TMEM40: variants seen among roughly 807,000 people sequenced by gnomAD.
The protein encoded by TMEM40 is transmembrane protein 40.
Under a neutral mutation model 40.8 loss-of-function variants are expected in TMEM40, and 34 were observed. The ratio of observed to expected loss-of-function variants is 0.83; its 90% CI spans 0.63 to 1.11. The LOEUF (loss-of-function observed/expected upper bound fraction) is 1.11. Ranked by LOEUF, TMEM40 falls within the 50% of genes least tolerant of loss-of-function variation. The pLI is 0.00. For synonymous variants in TMEM40, 106 were observed against 107.0 expected, an observed-to-expected ratio of 0.99 and a Z score of 0.06; for missense variants, 296 against 280.2, an observed-to-expected ratio of 1.06 and a Z score of -0.40.
chr3:12,736,717 AC>A (rs767180038), intron 9 of TMEM40, 46 bp downstream of exon 9: 2 of 1,613,192 alleles, frequency 1.2e-6, no homozygotes, highest in South Asian at 2.2e-5. Context: ...CCCCTGCACC[AC>A]CCCATGCCAT....
upstream of TMEM40, among the ~76,000 whole-genome samples, chr3:12,761,894 T>TAC (rs1559536240): frequency 1.3e-5 from 2 of 152,110 alleles, no homozygotes; most frequent in Non-Finnish European, 2.9e-5. Flanking sequence ...TGTATATATA[T>TAC]ACAACATATA....
At chr3:12,753,221 T>C (rs1333251693) in intron 1 of TMEM40, among the ~76,000 whole-genome samples, 1 of 135,584 alleles carries the variant, frequency 7.4e-6, no homozygotes, top group Non-Finnish European at 1.6e-5. Context: ...CTTTTTTTTT[T>C]TTTTTTTTTT....
At chr3:12,756,590 T>TA (rs997492754) in intron 1 of TMEM40, among the ~76,000 whole-genome samples, 2 of 152,174 alleles carry the variant, frequency 1.3e-5, no homozygotes, top group Non-Finnish European at 2.9e-5. Flanking sequence ...GGAAGAAACC[T>TA]AAAACTCATA....
intron 3 of TMEM40, among the ~76,000 whole-genome samples, chr3:12,745,904 CTT>C (rs60873625): frequency 1.4e-5 from 2 of 146,862 alleles, no homozygotes; most frequent in African/African-American, 2.5e-5. Flanking sequence ...TTTGCTTTTT[CTT>C]TTTTTTTTTG....
At position 12,748,567 on chromosome 3, in the gene TMEM40, T is replaced by C. The variant is rs114683402; in HGVS notation, c.211+88A>G. 5,328 of 1,513,774 alleles carry C rather than the reference T, an allele frequency of 3.5e-3. 119 individuals are homozygous for C. The African/African-American group carries it at 0.055, about 16-fold the overall frequency. The allele number at this position is 1,513,774 out of a possible 1,614,324, so 93.8% of individuals were successfully genotyped here. A position where few individuals can be genotyped will look rare whatever the true frequency, so the allele number is the denominator to read the frequency against. ...GGAGAAACGGTATTGGAGTTTCAAGTACTTCAATGACTTCAAGTATGGGGG... is the reference window on the plus strand; with the variant it reads ...GGAGAAACGGTATTGGAGTTTCAAGCACTTCAATGACTTCAAGTATGGGGG... On this transcript the variant is annotated intron_variant, in intron 3 of 11. Transcript: ENST00000314124.
chr3:12,761,092 C>T (rs1227846934), upstream of TMEM40, among the ~76,000 whole-genome samples: 3 of 152,158 alleles, frequency 2.0e-5, no homozygotes, highest in Non-Finnish European at 4.4e-5. Flanking sequence ...AAGAAGTGTT[C>T]CAAGGATATT....
intron 1 of TMEM40, among the ~76,000 whole-genome samples, chr3:12,766,543 C>T (rs1174505820): frequency 6.7e-6 from 1 of 149,634 alleles, no homozygotes; most frequent in African/African-American, 2.5e-5. Context: ...TGCAGTGAGC[C>T]GAGATTGTGC....
intron 5 of TMEM40, chr3:12,738,896 T>C (rs900920709): frequency 5.9e-6 from 2 of 337,550 alleles, no homozygotes; most frequent in African/African-American, 2.1e-5. Context: ...GGCTCATGCC[T>C]GTAATACCAG....
intron 3 of TMEM40, 36 bp from the exon 4 acceptor site, chr3:12,744,025 A>G (rs2061407165): frequency 1.9e-6 from 3 of 1,597,284 alleles, no homozygotes; most frequent in Non-Finnish European, 2.6e-6. Context: ...GGAGAAGCTC[A>G]GCCTGGAACA....
At chr3:12,736,730 C>A (rs2061340717) in intron 9 of TMEM40, 34 bp downstream of exon 9, 2 of 1,613,840 alleles carry the variant, frequency 1.2e-6, no homozygotes, top group Non-Finnish European at 1.7e-6. Context: ...CCATGCCATC[C>A]CCCTTGTGCA....
chr3:12,737,589 G>T, intron 8 of TMEM40, 118 bp downstream of exon 8: 1 of 902,604 alleles, frequency 1.1e-6, no homozygotes, highest in South Asian at 1.4e-5. Context: ...TGTGTAAACT[G>T]CAGGGCACAC....
chr3:12,755,579 G>A (rs1197686330), intron 1 of TMEM40, among the ~76,000 whole-genome samples: 1 of 152,096 alleles, frequency 6.6e-6, no homozygotes, highest in Non-Finnish European at 1.5e-5. Flanking sequence ...GAACCTATTA[G>A]TGTCTCAAGC....
chr3:12,745,508 G>A (rs181671140), intron 3 of TMEM40, among the ~76,000 whole-genome samples: 49 of 152,280 alleles, frequency 3.2e-4, no homozygotes, highest in African/African-American at 1.1e-3. Context: ...AAGTGCAGTG[G>A]TACAATCAGG....
chr3:12,746,711 C>T (rs2061431721), intron 3 of TMEM40, among the ~76,000 whole-genome samples: 1 of 152,180 alleles, frequency 6.6e-6, no homozygotes, highest in Admixed American at 6.5e-5. Flanking sequence ...TGTCTTTATG[C>T]TTCTAGGACT....
chr3:12,755,194 C>CTTTCTTTCTTTCTTTCTTT (rs1559533163), intron 1 of TMEM40, among the ~76,000 whole-genome samples: 2 of 118,988 alleles, frequency 1.7e-5, no homozygotes, highest in African/African-American at 4.1e-5. Context: ...TTCCTTCCTT[C>CTTTCTTTCTTTCTTTCTTT]CTTCCTTTCT....
At chr3:12,765,952 G>A (rs888670327) in intron 1 of TMEM40, among the ~76,000 whole-genome samples, 13 of 152,066 alleles carry the variant, frequency 8.5e-5, no homozygotes, top group Admixed American at 1.3e-4. Flanking sequence ...CACCTCCCGC[G>A]TTCAAGCGAT....
intron 1 of TMEM40, among the ~76,000 whole-genome samples, chr3:12,752,406 AC>A (rs1428419667): frequency 6.6e-6 from 1 of 152,188 alleles, no homozygotes; most frequent in Non-Finnish European, 1.5e-5. Flanking sequence ...CAAGGTTCTA[AC>A]AGTTAACTTG....
At chr3:12,737,956 G>A (rs919638749) in intron 7 of TMEM40, 180 bp downstream of exon 7, 4 of 956,688 alleles carry the variant, frequency 4.2e-6, no homozygotes, top group East Asian at 2.6e-5. Flanking sequence ...CCTTAGGCCC[G>A]AGTCTGCCTT....
chr3:12,748,629 T>C, intron 3 of TMEM40, 26 bp downstream of exon 3: 2 of 1,598,920 alleles, frequency 1.3e-6, no homozygotes, highest in South Asian at 1.1e-5. Flanking sequence ...TTGAATAATA[T>C]ACATATATTT....
Sources: allele counts gnomAD v4.1 joint callset (sites outside exome capture counted in the v4.1 genomes callset), GRCh38; gene constraint gnomAD v4.1.1; transcripts MANE v1.5; gene names NCBI Gene and HGNC (gene_info 2026-07-23, HGNC 2026-07-21).